The following TASOR variants were observed in gnomAD, a reference collection of about 807,000 sequenced individuals.
TASOR encodes transcription activation suppressor.
A neutral mutation model predicts 178.6 loss-of-function variants in TASOR; 53 were observed. That is an observed-to-expected ratio of 0.30 (90% CI 0.24 to 0.37). The LOEUF (loss-of-function observed/expected upper bound fraction) is 0.37, where lower values mean the gene tolerates loss of function less well. TASOR is among the 10% of genes least tolerant of loss of function. The pLI is 1.00. For missense variants in TASOR, 1,815 were observed against 1,971.4 expected (o/e 0.92, Z 1.50); for synonymous variants, 713 against 696.2 (o/e 1.02, Z -0.38).
In TASOR at chr3:56,674,122, T is replaced by C. The variant is rs777932963; in HGVS notation, c.332-397A>G. On this transcript the variant is annotated intron_variant, in intron 1 of 23. Transcript: ENST00000683822. ...GTATTTCAGCAAACTACCTATACCA[T>C]GTATGAGACCATAAAAGCATTTAAG... 2.0e-5 allele frequency among the ~76,000 whole-genome samples: 3 copies of C among 149,626 alleles called. No homozygotes were observed. The Admixed American group carries it at 2.0e-4, about 10-fold the overall frequency.
rs1374079954 is a variant in TASOR, at chr3:56,647,021, C to T, written c.1716G>A (p.Glu572=). 4 of 1,602,320 alleles carry T rather than the reference C, an allele frequency of 2.5e-6. No individual in the cohort carries two copies. In the South Asian group the frequency reaches 3.4e-5, roughly 14 times the overall value. Residue 572 remains glutamate, a synonymous_variant, in exon 14 of 24, where the codon GAG becomes GAA. Transcript: ENST00000683822. ...GTGAATCATATGGAAACATAATAAA[C>T]TCTCGTTTACCTGAACCAAAACCTC... ...FKRGFGSGKR[E]FIMFPYDSRL...
rs763642881 is a variant in TASOR at position 56,623,043 on chromosome 3, C to A, written c.5007G>T (p.Glu1669Asp). The change falls in exon 24 of 24, where the codon GAG becomes GAT. Residue 1669 changes from glutamate to aspartate, a missense_variant. Transcript: ENST00000683822. ...KSDSSRPYSQ[E>D]K ...AAAAAAAAAGTTACTACAGTTATTT[C>A]TCTTGTGAATATGGCCTGGAAGAAT... The A allele has an allele frequency of 3.9e-6, 6 of 1,534,502 alleles. No individual in the cohort carries two copies. The African/African-American group carries it at 8.4e-5, about 21-fold the overall frequency.
At chr3:56,638,603 TA>T (rs1158842269) in intron 17 of TASOR, 102 bp downstream of exon 17, 3 of 1,163,088 alleles carry the variant, frequency 2.6e-6, no homozygotes, top group East Asian at 2.4e-5. Context: ...TTTCTGTAAT[TA>T]AAAAAATTTA....
Position 56,660,796 on chromosome 3 carries a change from C to T in TASOR, c.1303G>A (p.Val435Met), listed in dbSNP as rs1437656375. 3 of 1,613,686 alleles carry T rather than the reference C, an allele frequency of 1.9e-6. No homozygotes were observed. Among genetic ancestry groups the T allele is most frequent in the Non-Finnish European group, 2.5e-6 (3 of 1,179,982 alleles). Residue 435 changes from valine to methionine, a missense_variant, in exon 11 of 24, where the codon GTG (valine) becomes ATG (methionine). By Grantham distance (21) the Val-to-Met change is conservative (BLOSUM62 1). This residue lies in a region of TASOR where 504 missense variants were observed against 645.3 expected (regional missense o/e 0.78). Transcript: ENST00000683822. ...NGMYCSLYEV[V>M]EKTRIGSNME... ...TTACTTCCAATTCTTGTCTTTTCCA[C>T]AACTTCATAAAGGCTGCAATACATT...
intron 18 of TASOR, 96 bp from the exon 19 acceptor site, chr3:56,628,710 C>A: frequency 1.0e-5 from 8 of 775,568 alleles, no homozygotes; most frequent in Non-Finnish European, 1.4e-5. Flanking sequence ...AGCTTAACTA[C>A]TACCATGACA....
At chr3:56,645,145 G>A (rs560357454) in intron 14 of TASOR, among the ~76,000 whole-genome samples, 28 of 152,266 alleles carry the variant, frequency 1.8e-4, no homozygotes, top group African/African-American at 6.0e-4. Flanking sequence ...ACAGTAGTAC[G>A]TGCCTGTAAT....
intron 18 of TASOR, 157 bp from the exon 19 acceptor site, chr3:56,628,771 T>C (rs1204841625): frequency 2.0e-6 from 1 of 511,008 alleles, no homozygotes; most frequent in Non-Finnish European, 3.3e-6. Context: ...AATCCTTTTT[T>C]TTTTTCTTTG....
chr3:56,682,647 A>AG, intron 1 of TASOR, 29 bp downstream of exon 1: 2 of 1,428,544 alleles, frequency 1.4e-6, no homozygotes, highest in Non-Finnish European at 9.3e-7. Flanking sequence ...GGAGAGAGAG[A>AG]GGGGGTTGAG....
chr3:56,649,682 G>A (rs1425333480), intron 11 of TASOR, among the ~76,000 whole-genome samples: 3 of 152,072 alleles, frequency 2.0e-5, no homozygotes, highest in Non-Finnish European at 4.4e-5. Flanking sequence ...CAAAATAACA[G>A]AAATGGAAAA....
chr3:56,652,378 A>C (rs907025605), intron 11 of TASOR, among the ~76,000 whole-genome samples: 8 of 152,072 alleles, frequency 5.3e-5, no homozygotes, highest in African/African-American at 1.9e-4. Context: ...ATATGGCAAA[A>C]CCCTGTCTCT....
In TASOR at chr3:56,674,201, TAAA is replaced by T. The variant is rs11348732; in HGVS notation, c.332-479_332-477del. Among the ~76,000 whole-genome samples, 716 of 111,802 alleles carry T rather than the reference TAAA, an allele frequency of 6.4e-3. 3 individuals are homozygous for T. Among genetic ancestry groups the T allele is most frequent in the African/African-American group, 0.023 (654 of 28,954 alleles). The allele number at this position is 111,802 out of a possible 152,430, so 73.3% of individuals were successfully genotyped here. A position where few individuals can be genotyped will look rare whatever the true frequency, so the allele number is the denominator to read the frequency against. On this transcript the variant is annotated intron_variant, in intron 1 of 23. Transcript: ENST00000683822. The stretch of plus-strand genomic sequence containing the variant: ...TTACTGACACACTGGTCTTTAAGTT[TAAA>T]AAAAAAAAAAAAAAAAAAAAGCTTG...
At chr3:56,662,581 T>C (rs542689985) in intron 8 of TASOR, 91 bp from the exon 9 acceptor site, 1 of 556,428 alleles carries the variant, frequency 1.8e-6, no homozygotes, top group Non-Finnish European at 3.1e-6. Context: ...GGAAAATATC[T>C]AGAAACAAGG....
intron 1 of TASOR, among the ~76,000 whole-genome samples, chr3:56,681,823 A>AT (rs2031817840): frequency 6.6e-6 from 1 of 152,154 alleles, no homozygotes; most frequent in Non-Finnish European, 1.5e-5. Context: ...TGGCATTAAG[A>AT]TTTTTTAAAA....
intron 17 of TASOR, among the ~76,000 whole-genome samples, chr3:56,637,734 AAAC>A (rs1045950877): frequency 1.1e-4 from 17 of 152,272 alleles, no homozygotes; most frequent in South Asian, 2.1e-4. Flanking sequence ...ACAAATAAAA[AAAC>A]AACACTTTAA....
intron 3 of TASOR, 168 bp downstream of exon 3, chr3:56,671,432 T>G (rs759633028): frequency 9.4e-6 from 5 of 534,278 alleles, no homozygotes; most frequent in South Asian, 3.1e-5. Flanking sequence ...CTGAGTACAT[T>G]TGAAAAACAA....
In TASOR at chr3:56,649,051, C is replaced by G; in HGVS notation, c.1375G>C (p.Val459Leu). The G allele has an allele frequency of 1.2e-6, 2 of 1,604,388 alleles. No homozygotes were observed. Among genetic ancestry groups the G allele is most frequent in the Non-Finnish European group, 1.7e-6 (2 of 1,176,962 alleles). ...QKLDREKLVLVKPLGDRGYLF... is the reference protein window; with the variant it reads ...QKLDREKLVLLKPLGDRGYLF... ...TATCCTCGGTCTCCCAAAGGTTTAACAAGAACCTGTATTTTGAGGGGAAGG... is the reference window on the plus strand; with the variant it reads ...TATCCTCGGTCTCCCAAAGGTTTAAGAAGAACCTGTATTTTGAGGGGAAGG... The change falls in exon 12 of 24, where the codon GTT becomes CTT. Residue 459 changes from valine (V) to leucine (L), a missense_variant. Around this residue, in one of 5 missense-constraint regions of TASOR, gnomAD observed 504 missense variants for 645.3 expected, o/e 0.78. Coordinates refer to ENST00000683822, the MANE Select transcript of TASOR (RefSeq NM_001365635.2).
chr3:56,640,256 G>T, intron 15 of TASOR, 126 bp from the exon 16 acceptor site: 1 of 769,450 alleles, frequency 1.3e-6, no homozygotes, highest in South Asian at 1.8e-5. Context: ...AAATCAACAT[G>T]GTAAAGTTAT....
chr3:56,640,702 T>C (rs1208456682), intron 15 of TASOR, among the ~76,000 whole-genome samples: 1 of 151,834 alleles, frequency 6.6e-6, no homozygotes, highest in African/African-American at 2.4e-5. Flanking sequence ...ATGGAGACAG[T>C]AAATGAAGAA....
intron 11 of TASOR, among the ~76,000 whole-genome samples, chr3:56,652,099 CTATT>C (rs1027003112): frequency 2.0e-5 from 3 of 152,068 alleles, no homozygotes; most frequent in African/African-American, 7.2e-5. Flanking sequence ...ATTCTTGACT[CTATT>C]TATATAAAAT....
Sources: allele counts gnomAD v4.1 joint callset (sites outside exome capture counted in the v4.1 genomes callset), GRCh38; gene constraint gnomAD v4.1.1; regional missense constraint gnomAD v4.1.1; transcripts MANE v1.5; gene names NCBI Gene and HGNC (gene_info 2026-07-23, HGNC 2026-07-21).